The following SVOP variants were observed in gnomAD, a reference collection of about 807,000 sequenced individuals.
The protein encoded by SVOP is SV2 related protein.
SVOP carries 17 observed loss-of-function variants against 69.1 expected under a neutral mutation model. That is an observed-to-expected ratio of 0.25 (90% confidence interval 0.17 to 0.37). SVOP has a LOEUF of 0.37. Ranked by LOEUF, SVOP falls within the 10% of genes least tolerant of loss-of-function variation. The pLI, the probability that SVOP is intolerant of heterozygous loss-of-function variation, is 1.00. For synonymous variants in SVOP, 238 were observed against 238.6 expected, an observed-to-expected ratio of 1.00 and a Z score of 0.02; for missense variants, 435 against 597.5, an observed-to-expected ratio of 0.73 and a Z score of 2.84.
At chr12:108,972,862 A>C (rs146305571) in intron 4 of SVOP, among the ~76,000 whole-genome samples, 101,329 of 152,092 alleles carry the variant, frequency 0.67, 34,307 homozygotes, top group East Asian at 0.79. Context: ...CAAGGGCTGC[A>C]AGGTAGAGGT....
intron 1 of SVOP, among the ~76,000 whole-genome samples, chr12:109,013,002 G>A (rs1052130051): frequency 6.6e-6 from 1 of 152,230 alleles, no homozygotes; most frequent in Admixed American, 6.5e-5. Context: ...CAGGTAGACT[G>A]GGCTACACAG....
chr12:108,926,810 G>C (rs761714951), intron 11 of SVOP, among the ~76,000 whole-genome samples: 1 of 152,168 alleles, frequency 6.6e-6, no homozygotes, highest in Non-Finnish European at 1.5e-5. Flanking sequence ...CTTTGAACCA[G>C]TTGTACCCTC....
chr12:108,974,832 TG>T (rs2040098345), intron 4 of SVOP, among the ~76,000 whole-genome samples: 1 of 152,222 alleles, frequency 6.6e-6, no homozygotes. Context: ...CTAAAGAGCT[TG>T]TTCATGTAAC....
At chr12:108,966,309 C>T (rs568552973) in intron 5 of SVOP, among the ~76,000 whole-genome samples, 32 of 152,302 alleles carry the variant, frequency 2.1e-4, no homozygotes, top group African/African-American at 7.0e-4. Context: ...AACCTGGATG[C>T]GTTTATCTCC....
intron 1 of SVOP, among the ~76,000 whole-genome samples, chr12:108,988,097 T>C (rs1034031069): frequency 7.9e-5 from 12 of 151,098 alleles, no homozygotes; most frequent in African/African-American, 2.7e-4. Flanking sequence ...AATTTTTTTT[T>C]CTTTTTTTGT....
chr12:108,962,344 C>T (rs2040022557), intron 5 of SVOP, among the ~76,000 whole-genome samples: 1 of 152,308 alleles, frequency 6.6e-6, no homozygotes, highest in African/African-American at 2.4e-5. Flanking sequence ...AGTGATCCAC[C>T]CACCTCAGCC....
intron 11 of SVOP, among the ~76,000 whole-genome samples, chr12:108,932,880 CT>C (rs1020831550): frequency 6.6e-6 from 1 of 151,036 alleles, no homozygotes; most frequent in Non-Finnish European, 1.5e-5. Flanking sequence ...AAATATAATT[CT>C]TTTTTTTTCG....
intron 11 of SVOP, among the ~76,000 whole-genome samples, chr12:108,930,157 T>C (rs777682964): frequency 6.6e-6 from 1 of 152,190 alleles, no homozygotes; most frequent in Non-Finnish European, 1.5e-5. Flanking sequence ...AATTCAAATT[T>C]GCATGGAAAC....
At position 108,940,215 on chromosome 12, in the gene SVOP, T is replaced by C. The variant is rs1014977537; in HGVS notation, c.768+569A>G. Among the ~76,000 whole-genome samples, 6 of 152,208 alleles carry C rather than the reference T, an allele frequency of 3.9e-5. 1 individual carries two copies. The highest frequency in any genetic ancestry group is 5.9e-5 in the Non-Finnish European group (4 of 68,028). Reference sequence around the variant, plus strand: ...ACTTATTATCATTACCAGGAATTTTTGTGGTATTTACCGTACATGAGAACT... The same window carrying C: ...ACTTATTATCATTACCAGGAATTTTCGTGGTATTTACCGTACATGAGAACT... On this transcript the variant is annotated intron_variant, in intron 8 of 15. Transcript: ENST00000610966.
chr12:108,968,065 T>G (rs1261595103), intron 5 of SVOP, among the ~76,000 whole-genome samples: 1 of 152,174 alleles, frequency 6.6e-6, no homozygotes, highest in African/African-American at 2.4e-5. Context: ...TTGTGGACTT[T>G]CCAGGTCAAC....
intron 11 of SVOP, among the ~76,000 whole-genome samples, chr12:108,927,105 A>G (rs1158327710): frequency 6.6e-6 from 1 of 152,052 alleles, no homozygotes; most frequent in African/African-American, 2.4e-5. Flanking sequence ...ACAACTCAAT[A>G]CTTTTGTTGG....
At chr12:108,920,516 T>C (rs530644879) in intron 12 of SVOP, among the ~76,000 whole-genome samples, 1 of 151,684 alleles carries the variant, frequency 6.6e-6, no homozygotes, top group East Asian at 1.9e-4. Flanking sequence ...AATAACACAC[T>C]CTACCTCAGT....
At chr12:108,941,059 A>G (rs1438759621) in intron 7 of SVOP, 150 bp from the exon 8 acceptor site, 18 of 1,204,730 alleles carry the variant, frequency 1.5e-5, no homozygotes, top group Non-Finnish European at 2.0e-5. Flanking sequence ...TGTGGTCTAT[A>G]TGGTTGGGCC....
intron 5 of SVOP, among the ~76,000 whole-genome samples, chr12:108,962,994 A>C (rs1239846878): frequency 1.3e-5 from 2 of 152,124 alleles, no homozygotes; most frequent in African/African-American, 4.8e-5. Flanking sequence ...CAAAAAAGAC[A>C]AACATGGCAC....
intron 10 of SVOP, chr12:108,937,040 C>T (rs577361371): frequency 4.9e-5 from 26 of 527,726 alleles, no homozygotes; most frequent in African/African-American, 3.3e-4. Context: ...CCAGCCTGCA[C>T]GGTGATTAAA....
chr12:108,953,391 G>T (rs2039968272), intron 6 of SVOP, among the ~76,000 whole-genome samples: 2 of 148,612 alleles, frequency 1.3e-5, no homozygotes, highest in African/African-American at 2.5e-5. Context: ...CGGGTGATCT[G>T]CCCGCCTCAG....
At chr12:108,965,338 A>C (rs1364299844) in intron 5 of SVOP, among the ~76,000 whole-genome samples, 1 of 152,242 alleles carries the variant, frequency 6.6e-6, no homozygotes, top group African/African-American at 2.4e-5. Context: ...ACCTTGAATG[A>C]GCCACTCCCT....
At chr12:109,001,038 G>A (rs1271190852) in intron 1 of SVOP, among the ~76,000 whole-genome samples, 2 of 151,888 alleles carry the variant, frequency 1.3e-5, no homozygotes, top group African/African-American at 2.4e-5. Context: ...GTTTGCAGAC[G>A]ACATGATTGC....
chr12:108,942,763 T>A (rs1253636293), intron 7 of SVOP, among the ~76,000 whole-genome samples: 2 of 152,192 alleles, frequency 1.3e-5, no homozygotes, highest in Non-Finnish European at 2.9e-5. Flanking sequence ...ATTTATTTAT[T>A]TGTTTGTTGT....
Sources: gnomAD v4.1 joint callset for allele counts (sites outside exome capture counted in the v4.1 genomes callset) on GRCh38, gnomAD v4.1.1 for gene constraint, MANE v1.5 for transcripts, NCBI Gene and HGNC (gene_info 2026-07-23, HGNC 2026-07-21) for gene names.